Variants in NBEAL1 observed in about 807,000 individuals in gnomAD.
The protein encoded by NBEAL1 is neurobeachin-like protein 1.
Under a neutral mutation model 351.3 loss-of-function variants are expected in NBEAL1, and 273 were observed. The observed-to-expected ratio is 0.78, with a 90% CI of 0.70 to 0.86. NBEAL1 has a LOEUF of 0.86. NBEAL1 is among the 40% of genes least tolerant of loss of function. The pLI, the probability that NBEAL1 is intolerant of heterozygous loss-of-function variation, is 0.00. For synonymous variants in NBEAL1, 1,050 were observed against 1,086.4 expected (o/e 0.97, Z 0.66); for missense variants, 2,961 against 3,201.3 (o/e 0.92, Z 1.81).
At chr2:203,182,444 A>G (rs1177475741) in intron 43 of NBEAL1, 1 of 152,132 alleles carries the variant, frequency 6.6e-6, no homozygotes, top group African/African-American at 2.4e-5. Flanking sequence ...TCATATACCA[A>G]CCCCTAGACC....
chr2:203,139,077 G>A (rs188075622), intron 31 of NBEAL1, among the ~76,000 whole-genome samples: 39 of 151,936 alleles, frequency 2.6e-4, no homozygotes, highest in African/African-American at 9.4e-4. Context: ...GTGCAGTTTA[G>A]GGCTTGAATT....
rs201936126 is a variant in NBEAL1, at chr2:203,197,393, T to C, written c.7128+2T>C. The C allele has an allele frequency of 1.1e-5, 17 of 1,571,330 alleles. No homozygotes were observed. The highest frequency in any genetic ancestry group is 1.8e-6 in the Non-Finnish European group (2 of 1,141,578). On this transcript the variant is annotated splice_donor_variant, in intron 48 of 55. Transcript: ENST00000683969. LOFTEE classifies it high-confidence loss of function. ...TCTCAAGGCAGCCCTGAGTTACTGGTAAGTTGATTTTTACCTTTTTCACAC... is the reference window on the plus strand; with the variant it reads ...TCTCAAGGCAGCCCTGAGTTACTGGCAAGTTGATTTTTACCTTTTTCACAC...
intron 5 of NBEAL1, among the ~76,000 whole-genome samples, chr2:203,056,879 T>C (rs898603630): frequency 2.6e-5 from 4 of 152,208 alleles, no homozygotes; most frequent in Non-Finnish European, 5.9e-5. Context: ...TACTATTTTT[T>C]ATATTATAGT....
At position 203,208,622 on chromosome 2, in the gene NBEAL1, C is replaced by A. The variant is rs1375853197; in HGVS notation, c.7507-15C>A. ...AGAAACCACCTTTACCTTTGCTTTT[C>A]TCTTGTATTATTAGGGAGGTGTTCC... On this transcript the variant is annotated splice_polypyrimidine_tract_variant and intron_variant, in intron 51 of 55. Transcript: ENST00000683969. 1.2e-5 allele frequency: 19 copies of A among 1,576,100 alleles called. No individual in the cohort carries two copies. Among genetic ancestry groups the A allele is most frequent in the Non-Finnish European group, 1.6e-5 (19 of 1,152,100 alleles).
chr2:203,201,479 G>A (rs1366861496), intron 49 of NBEAL1, 64 bp from the exon 50 acceptor site: 2 of 1,288,676 alleles, frequency 1.6e-6, no homozygotes, highest in African/African-American at 3.0e-5. Flanking sequence ...GGTTTAAAAA[G>A]AATAGTTCAC....
At chr2:203,082,525 GTTC>G (rs2061891676) in intron 8 of NBEAL1, among the ~76,000 whole-genome samples, 1 of 152,098 alleles carries the variant, frequency 6.6e-6, no homozygotes, top group African/African-American at 2.4e-5. Context: ...TTATTTCTGT[GTTC>G]TTCTGGTCAC....
In NBEAL1 at chr2:203,190,135, C is replaced by CA. The variant is rs879218352; in HGVS notation, c.6824-142dup. 1.5e-3 allele frequency among the ~76,000 whole-genome samples: 172 copies of CA among 114,904 alleles called. 3 individuals carry two copies. The highest frequency in any genetic ancestry group is 5.4e-3 in the South Asian group (20 of 3,688). The allele number at this position is 114,904 out of a possible 152,430, so 75.4% of individuals were successfully genotyped here. A position where few individuals can be genotyped will look rare whatever the true frequency, so the allele number is the denominator to read the frequency against. On this transcript the variant is annotated intron_variant, in intron 45 of 55. Coordinates refer to ENST00000683969, the MANE Select transcript of NBEAL1 (RefSeq NM_001378026.1). Reference sequence around the variant, plus strand: ...TGGGCAACAGAGCAAGACTCTGTCTCAAAAAAAAAAAAAAAGATGTGTGTA... The same window carrying CA: ...TGGGCAACAGAGCAAGACTCTGTCTCAAAAAAAAAAAAAAAAGATGTGTGTA...
intron 16 of NBEAL1, 107 bp from the exon 17 acceptor site, chr2:203,112,908 A>C (rs1255637591): frequency 9.3e-7 from 1 of 1,072,108 alleles, no homozygotes; most frequent in Non-Finnish European, 1.3e-6. Context: ...TTTTATTTTC[A>C]ATGTATTTAT....
rs2065950066 is a variant in NBEAL1 at position 203,221,145 on chromosome 2, G to A, written c.*3791G>A. Among the ~76,000 whole-genome samples the A allele has an allele frequency of 1.3e-5, 2 of 151,950 alleles. No individual in the cohort carries two copies. The highest frequency in any genetic ancestry group is 1.5e-5 in the Non-Finnish European group (1 of 67,968). On this transcript the variant is annotated 3_prime_UTR_variant, in exon 56 of 56. Transcript: ENST00000683969. ...TTTGTGTGAAAAGGAGTGGTCAGGG[G>A]AAACTGTTAACTTGGATACCAGATT...
chr2:203,026,611 T>A (rs1281295679), intron 2 of NBEAL1, among the ~76,000 whole-genome samples: 1 of 151,082 alleles, frequency 6.6e-6, no homozygotes, highest in African/African-American at 2.4e-5. Flanking sequence ...ACCTCCCGGG[T>A]TCAAGCAATT....
rs932334750 is a variant in NBEAL1, at chr2:203,130,414, A to T, written c.3502A>T (p.Ile1168Leu). Reference sequence around the variant, plus strand: ...GCTTTTTGAACCAGGAAATGCTGACATACTGTACGCATTGCTCTTAAATCA... The same window carrying T: ...GCTTTTTGAACCAGGAAATGCTGACTTACTGTACGCATTGCTCTTAAATCA... ...LLLFEPGNAD[I>L]LYALLLNQKY... The change falls in exon 25 of 56, where the codon ATA becomes TTA. Residue 1168 changes from isoleucine (I) to leucine (L), a missense_variant. Transcript: ENST00000683969. 5.2e-6 allele frequency: 8 copies of T among 1,528,018 alleles called. No homozygotes were observed. Among genetic ancestry groups the T allele is most frequent in the Non-Finnish European group, 7.0e-6 (8 of 1,138,726 alleles). 94.7% of individuals were successfully genotyped at this position (1,528,018 alleles called of 1,614,324 possible). A position where few individuals can be genotyped will look rare whatever the true frequency, so the allele number is the denominator to read the frequency against.
chr2:203,085,561 T>A (rs2061948036), intron 10 of NBEAL1: 1 of 152,204 alleles, frequency 6.6e-6, no homozygotes. Flanking sequence ...CTTTTTGACT[T>A]CATGGCCATT....
chr2:203,161,326 CAAAAAAAA>C (rs1174377516), intron 36 of NBEAL1, among the ~76,000 whole-genome samples: 1 of 64,800 alleles, frequency 1.5e-5, no homozygotes, highest in African/African-American at 6.1e-5. Context: ...GACTCCATCT[CAAAAAAAA>C]AAAAAAAAAA....
chr2:203,021,855 G>A (rs1237124874), intron 2 of NBEAL1, among the ~76,000 whole-genome samples: 1 of 151,526 alleles, frequency 6.6e-6, no homozygotes, highest in Non-Finnish European at 1.5e-5. Context: ...TGAGACCAGC[G>A]TGGCCAAAAT....
intron 6 of NBEAL1, among the ~76,000 whole-genome samples, chr2:203,061,155 A>G (rs1450074343): frequency 1.3e-5 from 2 of 152,190 alleles, no homozygotes; most frequent in African/African-American, 4.8e-5. Flanking sequence ...ATTTCTTAGA[A>G]TTACAGGGTT....
Position 203,135,732 on chromosome 2 carries a change from T to A in NBEAL1, c.3869T>A (p.Val1290Glu). ...GCAGCACATCAAATATCACAGCAAG[T>A]GGGTTGGCAAGACACCTTAGTTAGG... ...PDAAHQISQQ[V>E]GWQDTLVRLF... The change falls in exon 28 of 56, where the codon GTG (valine) becomes GAG (glutamate). Residue 1290 changes from valine (V) to glutamate (E), a missense_variant. Physicochemically the swap from Val to Glu is moderately radical, Grantham distance 121. Transcript: ENST00000683969. 6.4e-7 allele frequency: 1 copy of A among 1,570,054 alleles called. No homozygotes were observed. The highest frequency in any genetic ancestry group is 8.6e-7 in the Non-Finnish European group (1 of 1,156,436).
At chr2:203,050,668 G>A (rs1047742942) in intron 4 of NBEAL1, among the ~76,000 whole-genome samples, 2 of 152,058 alleles carry the variant, frequency 1.3e-5, no homozygotes, top group African/African-American at 4.8e-5. Context: ...TTATAAATTA[G>A]GTCTGTGGTG....
At position 203,057,440 on chromosome 2, in the gene NBEAL1, CAT is replaced by C; in HGVS notation, c.504_505del (p.His168GlnfsTer8). On this transcript the variant is annotated frameshift_variant, in exon 6 of 56. Transcript: ENST00000683969. LOFTEE classifies it high-confidence loss of function. Reference protein sequence around the residue: ...SLYDPYRNWRHRISGRILSTV... With the variant: ...SLYDPYRNWRXRISGRILSTV... ...ATATGATCCATATCGGAATTGGAGA[CAT>C]AGAATTTCAGGGTATGTCTTATAAA... The C allele has an allele frequency of 1.3e-6, 2 of 1,549,702 alleles. No homozygotes were observed. The highest frequency in any genetic ancestry group is 1.7e-6 in the Non-Finnish European group (2 of 1,145,244).
rs1216668842 is a variant in NBEAL1 at position 203,211,038 on chromosome 2, A to T, written c.7866A>T (p.Ile2622=). 6.2e-7 allele frequency: 1 copy of T among 1,607,490 alleles called. No homozygotes were observed. Residue 2622 remains isoleucine, a synonymous_variant, in exon 54 of 56, where the codon ATA becomes ATT. Transcript: ENST00000683969. ...SQILKEQVSD[I]CIIGEHIVTG... is the part of the protein sequence containing the mutation. Reference sequence around the variant, plus strand: ...TCCTGAAGGAACAAGTATCAGATATATGTATAATCGGAGAACACATTGTCA... The same window carrying T: ...TCCTGAAGGAACAAGTATCAGATATTTGTATAATCGGAGAACACATTGTCA...
Sources: allele counts gnomAD v4.1 joint callset (sites outside exome capture counted in the v4.1 genomes callset), GRCh38; gene constraint gnomAD v4.1.1; transcripts MANE v1.5; gene names NCBI Gene and HGNC (gene_info 2026-07-23, HGNC 2026-07-21).